BBOF1: variants seen among roughly 807,000 people sequenced by gnomAD.
BBOF1 encodes the protein basal body-orientation factor 1.
A neutral mutation model predicts 68.0 loss-of-function variants in BBOF1; 62 were observed. The ratio of observed to expected loss-of-function variants is 0.91; its 90% CI spans 0.74 to 1.13. The LOEUF is 1.13. Ranked by LOEUF, BBOF1 falls within the 50% of genes most tolerant of loss-of-function variation. The pLI is 0.00. For synonymous variants in BBOF1, 208 were observed against 198.8 expected (o/e 1.05, Z -0.39); for missense variants, 534 against 600.1 (o/e 0.89, Z 1.15).
chr14:74,054,364 T>TA (rs1283560992), intron 8 of BBOF1, among the ~76,000 whole-genome samples: 1 of 151,014 alleles, frequency 6.6e-6, no homozygotes, highest in Non-Finnish European at 1.5e-5. Context: ...TAAATAATGT[T>TA]ACATTACAGT....
At chr14:74,024,478 A>AT (rs2059380575) in intron 2 of BBOF1, among the ~76,000 whole-genome samples, 1 of 151,968 alleles carries the variant, frequency 6.6e-6, no homozygotes, top group African/African-American at 2.4e-5. Flanking sequence ...CTTTATTATT[A>AT]TTTTTGAGAC....
chr14:74,074,980 G>A, intron 9 of BBOF1: 2 of 1,614,060 alleles, frequency 1.2e-6, no homozygotes, highest in Non-Finnish European at 1.7e-6. Context: ...GGAAGATGCT[G>A]AATACCAGGT....
At chr14:74,052,527 C>T (rs1392474717) in intron 8 of BBOF1, among the ~76,000 whole-genome samples, 1 of 151,996 alleles carries the variant, frequency 6.6e-6, no homozygotes, top group Non-Finnish European at 1.5e-5. Flanking sequence ...CACCTGTAAT[C>T]CCAGCTACTC....
At chr14:74,067,557 G>A (rs373184856), downstream of BBOF1, 2 of 1,613,974 alleles carry the variant, frequency 1.2e-6, no homozygotes, top group Non-Finnish European at 1.7e-6. Flanking sequence ...ACTACCCCAT[G>A]GTTCTTGGCT....
chr14:74,028,508 AC>A (rs2059488441), intron 2 of BBOF1, among the ~76,000 whole-genome samples: 2 of 124,626 alleles, frequency 1.6e-5, no homozygotes, highest in East Asian at 6.3e-4. Context: ...ACACACACAC[AC>A]ACAAATAGAG....
chr14:74,069,461 A>G (rs1219690340), downstream of BBOF1, among the ~76,000 whole-genome samples: 1 of 151,520 alleles, frequency 6.6e-6, no homozygotes, highest in Non-Finnish European at 1.5e-5. Flanking sequence ...TTTAAATTCT[A>G]TTTAGCCGGC....
intron 8 of BBOF1, among the ~76,000 whole-genome samples, chr14:74,050,654 C>G (rs1012495710): frequency 3.4e-4 from 52 of 151,928 alleles, no homozygotes; most frequent in African/African-American, 1.2e-3. Flanking sequence ...CTCAGCCTCT[C>G]AAAGTGGTGG....
intron 9 of BBOF1, among the ~76,000 whole-genome samples, chr14:74,077,428 A>G (rs1217816126): frequency 1.3e-5 from 2 of 152,194 alleles, no homozygotes; most frequent in African/African-American, 4.8e-5. Context: ...TATTTAGTTC[A>G]TGATTCTGCA....
At chr14:74,030,577 G>A (rs1476976165) in intron 3 of BBOF1, among the ~76,000 whole-genome samples, 4 of 151,414 alleles carry the variant, frequency 2.6e-5, no homozygotes, top group South Asian at 2.1e-4. Context: ...CTCACTGCAA[G>A]CTCCATCTAT....
chr14:74,060,735 G>A (rs2060320451), intron 11 of BBOF1: 5 of 1,611,662 alleles, frequency 3.1e-6, no homozygotes, highest in Non-Finnish European at 4.2e-6. Context: ...ACTGAGTGTA[G>A]AATTGGATGC....
intron 8 of BBOF1, 112 bp downstream of exon 8, chr14:74,050,307 C>A: frequency 2.4e-6 from 3 of 1,237,132 alleles, no homozygotes; most frequent in East Asian, 2.4e-5. Flanking sequence ...ATAGATTTCT[C>A]AGTAGGTTAC....
chr14:74,037,398 T>G (rs1048582269), intron 4 of BBOF1, among the ~76,000 whole-genome samples: 2 of 149,164 alleles, frequency 1.3e-5, no homozygotes. Flanking sequence ...GCTCAAGTGA[T>G]CCTCTTATTT....
intron 11 of BBOF1, among the ~76,000 whole-genome samples, chr14:74,063,156 C>T (rs183934741): frequency 3.9e-3 from 600 of 152,170 alleles, no homozygotes; most frequent in Admixed American, 8.3e-3. Context: ...GACATATGCA[C>T]CTGTTGGCCG....
intron 12 of BBOF1, among the ~76,000 whole-genome samples, chr14:74,082,329 A>T (rs367991045): frequency 6.6e-6 from 1 of 151,090 alleles, no homozygotes; most frequent in South Asian, 2.1e-4. Flanking sequence ...AATTGAAAAC[A>T]TTAACTTTCT....
chr14:74,024,649 A>G (rs1437852507), intron 2 of BBOF1, among the ~76,000 whole-genome samples: 1 of 151,924 alleles, frequency 6.6e-6, no homozygotes, highest in Non-Finnish European at 1.5e-5. Flanking sequence ...TATTTTTGGT[A>G]GAGACAGGGT....
chr14:74,037,319 TCTCGC>T, intron 4 of BBOF1, among the ~76,000 whole-genome samples: 1 of 129,008 alleles, frequency 7.8e-6, no homozygotes. Flanking sequence ...TGAGACAGAG[TCTCGC>T]TCTTTTACCC....
At chr14:74,054,673 A>G (rs2060143597) in intron 8 of BBOF1, among the ~76,000 whole-genome samples, 1 of 135,296 alleles carries the variant, frequency 7.4e-6, no homozygotes, top group Non-Finnish European at 1.6e-5. Context: ...CACCGCACCC[A>G]GGCTCTTTTT....
At position 74,074,526 on chromosome 14, in the gene BBOF1, C is replaced by T. The variant is rs183022555; in HGVS notation, n.1380-3670C>T. Among the ~76,000 whole-genome samples, 839 of 152,064 alleles carry T rather than the reference C, an allele frequency of 5.5e-3. 8 individuals carry two copies. Among genetic ancestry groups the T allele is most frequent in the South Asian group, 0.011 (53 of 4,818 alleles). The stretch of plus-strand genomic sequence containing the variant: ...GGTCTCGATCTCTTGACCTCGTGAT[C>T]CACCTGCCTCAGCCTCCCAAAGTGC... On this transcript the variant is annotated intron_variant and non_coding_transcript_variant, in intron 9 of 12. Transcript: ENST00000492026.
chr14:74,046,738 T>A (rs897644580), intron 6 of BBOF1: 1 of 152,618 alleles, frequency 6.6e-6, no homozygotes, highest in Non-Finnish European at 1.5e-5. Context: ...ACCTTTTTGT[T>A]TGATTCTTTG....
Sources: allele counts gnomAD v4.1 joint callset (sites outside exome capture counted in the v4.1 genomes callset), GRCh38; gene constraint gnomAD v4.1.1; transcripts MANE v1.5; gene names NCBI Gene and HGNC (gene_info 2026-07-23, HGNC 2026-07-21).